TMEM108: variants seen among roughly 807,000 people sequenced by gnomAD.
TMEM108 encodes transmembrane protein 108.
A neutral mutation model predicts 35.1 loss-of-function variants in TMEM108; 12 were observed. The ratio of observed to expected loss-of-function variants is 0.34; its 90% CI spans 0.22 to 0.55. The LOEUF (loss-of-function observed/expected upper bound fraction) is 0.55. Among genes scored for constraint, TMEM108 ranks in the 20% least tolerant of loss-of-function variants. TMEM108 has a pLI of 0.89. For synonymous variants in TMEM108, 287 were observed against 308.6 expected, an observed-to-expected ratio of 0.93 and a Z score of 0.73; for missense variants, 680 against 753.3, an observed-to-expected ratio of 0.90 and a Z score of 1.14.
intron 2 of TMEM108, among the ~76,000 whole-genome samples, chr3:133,203,577 G>A (rs1363852791): frequency 1.3e-5 from 2 of 152,184 alleles, no homozygotes; most frequent in Non-Finnish European, 2.9e-5. Flanking sequence ...CATTGGTTCT[G>A]TTTATGTGAT....
chr3:133,082,525 T>C (rs940415698), intron 2 of TMEM108, among the ~76,000 whole-genome samples: 3 of 152,244 alleles, frequency 2.0e-5, no homozygotes, highest in Non-Finnish European at 4.4e-5. Context: ...TGGACGCTTC[T>C]GGTTGACTCC....
At chr3:133,189,207 C>G (rs575925880) in intron 2 of TMEM108, among the ~76,000 whole-genome samples, 35 of 152,178 alleles carry the variant, frequency 2.3e-4, no homozygotes, top group African/African-American at 7.2e-4. Context: ...GTCACCAAGG[C>G]ATTTAATTTA....
chr3:133,264,907 T>C (rs1275065812), intron 3 of TMEM108, among the ~76,000 whole-genome samples: 2 of 152,194 alleles, frequency 1.3e-5, no homozygotes, highest in Admixed American at 6.5e-5. Flanking sequence ...TAAGGAATTA[T>C]ATGCTTCCAA....
intron 3 of TMEM108, among the ~76,000 whole-genome samples, chr3:133,272,056 T>C (rs948542481): frequency 5.9e-5 from 9 of 152,206 alleles, no homozygotes; most frequent in Non-Finnish European, 1.2e-4. Flanking sequence ...GGAGGCCTCT[T>C]AGAGGAGTTA....
At chr3:133,300,632 G>A (rs1947208455) in intron 3 of TMEM108, among the ~76,000 whole-genome samples, 2 of 152,036 alleles carry the variant, frequency 1.3e-5, no homozygotes, top group Admixed American at 6.5e-5. Flanking sequence ...AAAAGAAATG[G>A]GTAAGGCAGG....
At chr3:133,321,041 C>T (rs773639464) in intron 3 of TMEM108, among the ~76,000 whole-genome samples, 1 of 152,130 alleles carries the variant, frequency 6.6e-6, no homozygotes, top group Non-Finnish European at 1.5e-5. Context: ...TGACACAAAA[C>T]CTTAAAATAC....
At chr3:133,316,173 G>T (rs1377944868) in intron 3 of TMEM108, among the ~76,000 whole-genome samples, 1 of 152,168 alleles carries the variant, frequency 6.6e-6, no homozygotes, top group Non-Finnish European at 1.5e-5. Flanking sequence ...GGGGAAGAGG[G>T]AGATAAATAA....
chr3:133,112,095 A>G (rs1944232447), intron 2 of TMEM108, among the ~76,000 whole-genome samples: 1 of 152,036 alleles, frequency 6.6e-6, no homozygotes, highest in Non-Finnish European at 1.5e-5. Context: ...TTCTTTTTCC[A>G]TTGCGGGGGA....
chr3:133,376,624 T>A (rs1003440469), intron 3 of TMEM108, among the ~76,000 whole-genome samples: 1 of 152,156 alleles, frequency 6.6e-6, no homozygotes, highest in Non-Finnish European at 1.5e-5. Context: ...TGGGTGAGTG[T>A]TCTTTTCAGG....
At chr3:133,137,205 A>C (rs1245478756) in intron 2 of TMEM108, among the ~76,000 whole-genome samples, 1 of 152,310 alleles carries the variant, frequency 6.6e-6, no homozygotes, top group African/African-American at 2.4e-5. Flanking sequence ...TATCTCATTT[A>C]ATCTATTGTG....
intron 2 of TMEM108, among the ~76,000 whole-genome samples, chr3:133,192,327 C>A (rs749678660): frequency 6.6e-6 from 1 of 152,136 alleles, no homozygotes; most frequent in Non-Finnish European, 1.5e-5. Flanking sequence ...TTGAGCAGTA[C>A]TTTTCTGAGG....
At chr3:133,114,195 G>A (rs1213074838) in intron 2 of TMEM108, among the ~76,000 whole-genome samples, 1 of 152,164 alleles carries the variant, frequency 6.6e-6, no homozygotes, top group Admixed American at 6.6e-5. Flanking sequence ...ACCACTAACA[G>A]AACTGCTGGG....
At chr3:133,352,674 A>T (rs989606921) in intron 3 of TMEM108, among the ~76,000 whole-genome samples, 1 of 152,188 alleles carries the variant, frequency 6.6e-6, no homozygotes, top group African/African-American at 2.4e-5. Flanking sequence ...ACAACTCAGG[A>T]ACAGCCAGAA....
chr3:133,126,105 A>G (rs1174979319), intron 2 of TMEM108, among the ~76,000 whole-genome samples: 1 of 152,202 alleles, frequency 6.6e-6, no homozygotes, highest in African/African-American at 2.4e-5. Flanking sequence ...GGCTTTTCAC[A>G]TGGTGAACCC....
chr3:133,330,323 T>C (rs1355242285), intron 3 of TMEM108, among the ~76,000 whole-genome samples: 4 of 152,030 alleles, frequency 2.6e-5, no homozygotes, highest in Non-Finnish European at 5.9e-5. Flanking sequence ...GAGAGGAAGC[T>C]CTCCTGTCTA....
intron 5 of TMEM108, among the ~76,000 whole-genome samples, chr3:133,390,914 G>C (rs2073225831): frequency 1.3e-5 from 2 of 152,302 alleles, no homozygotes; most frequent in Admixed American, 1.3e-4. Context: ...AGAATACACT[G>C]TCAGCATATT....
At chr3:133,055,187 A>G (rs1943452146) in intron 2 of TMEM108, among the ~76,000 whole-genome samples, 1 of 152,212 alleles carries the variant, frequency 6.6e-6, no homozygotes. Flanking sequence ...ACATATATCC[A>G]TGTTTCTTCT....
rs1559830379 is a variant in TMEM108, at chr3:133,094,242, A to ACCCCCCCCC, written c.-47+48223_-47+48224insCCCCCCCCC. On this transcript the variant is annotated intron_variant, in intron 2 of 5. Coordinates refer to ENST00000321871, the MANE Select transcript of TMEM108 (RefSeq NM_023943.4). ...TCCCACCCCACCCCCCACCCCCCCC[A>ACCCCCCCCC]CACACACGAGATGCTGCTGACCAGG... Among the ~76,000 whole-genome samples, 12 of 21,106 alleles carry ACCCCCCCCC rather than the reference A, an allele frequency of 5.7e-4. 1 individual carries two copies. The South Asian group carries it at 6.8e-3, about 12-fold the overall frequency. 13.8% of individuals were successfully genotyped at this position (21,106 alleles called of 152,430 possible). A position where few individuals can be genotyped will look rare whatever the true frequency, so the allele number is the denominator to read the frequency against.
chr3:133,348,789 A>G (rs2071898398), intron 3 of TMEM108, among the ~76,000 whole-genome samples: 1 of 152,194 alleles, frequency 6.6e-6, no homozygotes, highest in Admixed American at 6.5e-5. Flanking sequence ...AGTCTTCAAG[A>G]GGGGACCTGA....
Sources: gnomAD v4.1 joint callset for allele counts (sites outside exome capture counted in the v4.1 genomes callset) on GRCh38, gnomAD v4.1.1 for gene constraint, MANE v1.5 for transcripts, NCBI Gene and HGNC (gene_info 2026-07-23, HGNC 2026-07-21) for gene names.